VEZT: variants seen among roughly 807,000 people sequenced by gnomAD.
The protein encoded by VEZT is vezatin, adherens junctions transmembrane protein.
VEZT carries 39 observed loss-of-function variants against 79.9 expected under a neutral mutation model. The observed-to-expected ratio is 0.49, with a 90% CI of 0.38 to 0.64. The LOEUF (loss-of-function observed/expected upper bound fraction) is 0.64. Ranked by LOEUF, VEZT falls within the 30% of genes least tolerant of loss-of-function variation. The pLI is 0.00. For synonymous variants in VEZT, 325 were observed against 327.6 expected, an observed-to-expected ratio of 0.99 and a Z score of 0.09; for missense variants, 837 against 893.1, an observed-to-expected ratio of 0.94 and a Z score of 0.80.
At chr12:95,270,310 C>T in intron 6 of VEZT, 122 bp downstream of exon 6, 1 of 1,012,224 alleles carries the variant, frequency 9.9e-7, no homozygotes, top group Middle Eastern at 2.5e-4. Context: ...AAGCTAATTT[C>T]CATCATCAAT....
At chr12:95,287,633 A>G in intron 8 of VEZT, 31 bp from the exon 9 acceptor site, 1 of 1,460,606 alleles carries the variant, frequency 6.8e-7, no homozygotes. Context: ...CATATTATAG[A>G]AATCTGTTTC....
At chr12:95,268,672 T>C (rs1471085003) in intron 5 of VEZT, among the ~76,000 whole-genome samples, 1 of 152,196 alleles carries the variant, frequency 6.6e-6, no homozygotes, top group Non-Finnish European at 1.5e-5. Flanking sequence ...AGTGGGCCAG[T>C]TAGACATGAT....
intron 2 of VEZT, among the ~76,000 whole-genome samples, chr12:95,255,462 C>T (rs899717914): frequency 1.3e-4 from 20 of 152,200 alleles, no homozygotes; most frequent in Non-Finnish European, 1.2e-4. Context: ...GATGGAGTCT[C>T]GCGCTGTCGC....
chr12:95,247,921 A>G (rs1437555023), intron 1 of VEZT, among the ~76,000 whole-genome samples: 1 of 152,228 alleles, frequency 6.6e-6, no homozygotes, highest in Non-Finnish European at 1.5e-5. Flanking sequence ...ATGAAATATA[A>G]TAGTAGATAA....
In VEZT at chr12:95,271,282, T is replaced by TA. The variant is rs781275246; in HGVS notation, c.848+1097dup. On this transcript the variant is annotated intron_variant, in intron 6 of 11. Coordinates refer to ENST00000436874, the MANE Select transcript of VEZT (RefSeq NM_017599.4). Reference sequence around the variant, plus strand: ...CTTTTCCATTTTATTCCCCATTGCCTAAATGCCGGTCTGCTATATGTCAGC... The same window carrying TA: ...CTTTTCCATTTTATTCCCCATTGCCTAAAATGCCGGTCTGCTATATGTCAGC... 2.6e-4 allele frequency among the ~76,000 whole-genome samples: 39 copies of TA among 152,196 alleles called. 1 individual carries two copies. Among genetic ancestry groups the TA allele is most frequent in the Non-Finnish European group, 5.0e-4 (34 of 68,032 alleles).
At position 95,240,073 on chromosome 12, in the gene VEZT, G is replaced by GA. The variant is rs1555246828; in HGVS notation, c.37-11865dup. Among the ~76,000 whole-genome samples, 118 of 98,992 alleles carry GA rather than the reference G, an allele frequency of 1.2e-3. 2 individuals carry two copies. Among genetic ancestry groups the GA allele is most frequent in the Middle Eastern group, 4.5e-3 (1 of 220 alleles). 64.9% of individuals were successfully genotyped at this position (98,992 alleles called of 152,430 possible). On this transcript the variant is annotated intron_variant, in intron 1 of 11. Coordinates refer to ENST00000436874, the MANE Select transcript of VEZT (RefSeq NM_017599.4). ...GGAAGGAAGGAAGGAAGGAAGGAAG[G>GA]AAGAAAAGAAAGAGGAAAACAGAAA...
In VEZT at chr12:95,297,712, C is replaced by T. The variant is rs375374404; in HGVS notation, c.1831+1454C>T. Among the ~76,000 whole-genome samples, 51 of 152,306 alleles carry T rather than the reference C, an allele frequency of 3.3e-4. 1 individual carries two copies. The South Asian group carries it at 8.1e-3, about 24-fold the overall frequency. On this transcript the variant is annotated intron_variant, in intron 11 of 11. Coordinates refer to ENST00000436874, the MANE Select transcript of VEZT (RefSeq NM_017599.4). ...TCTTTTTCCTGTTTTCAAGTCTCTT[C>T]ATCATAAGAATTCATCTATCCAATT... is the stretch of plus-strand genomic sequence containing the variant.
intron 2 of VEZT, among the ~76,000 whole-genome samples, chr12:95,256,098 CTG>C (rs2063440370): frequency 6.6e-6 from 1 of 152,090 alleles, no homozygotes; most frequent in Non-Finnish European, 1.5e-5. Context: ...GTCACCCAGG[CTG>C]GAGTGCAATG....
intron 4 of VEZT, among the ~76,000 whole-genome samples, chr12:95,264,869 C>CTTTTTTTTTTTTTTTTTTTTT (rs71078693): frequency 4.4e-5 from 5 of 113,332 alleles, no homozygotes; most frequent in South Asian, 3.0e-4. Flanking sequence ...CTTTTCTTTT[C>CTTTTTTTTTTTTTTTTTTTTT]TTTTTTTTTT....
intron 5 of VEZT, among the ~76,000 whole-genome samples, chr12:95,267,157 G>C (rs1020713331): frequency 6.6e-6 from 1 of 152,170 alleles, no homozygotes. Context: ...ATATTCACCA[G>C]TCTAGCTGTA....
chr12:95,223,679 G>T (rs1373167621), intron 1 of VEZT, among the ~76,000 whole-genome samples: 2 of 152,174 alleles, frequency 1.3e-5, no homozygotes. Flanking sequence ...TTGAACTCCT[G>T]ACCTCGGGTG....
At chr12:95,256,144 C>A (rs549898430) in intron 2 of VEZT, among the ~76,000 whole-genome samples, 1 of 152,092 alleles carries the variant, frequency 6.6e-6, no homozygotes, top group African/African-American at 2.4e-5. Flanking sequence ...CTCTGCCTCC[C>A]GGGTTCAAGT....
At chr12:95,242,127 A>G (rs988081111) in intron 1 of VEZT, 1 of 152,202 alleles carries the variant, frequency 6.6e-6, no homozygotes, top group Admixed American at 6.5e-5. Context: ...TCTTATCTAT[A>G]TTAACATTTG....
At chr12:95,284,450 T>C (rs936886720) in intron 8 of VEZT, among the ~76,000 whole-genome samples, 1 of 152,162 alleles carries the variant, frequency 6.6e-6, no homozygotes, top group Non-Finnish European at 1.5e-5. Context: ...ACCTCCAGGG[T>C]GTGTATGGCC....
chr12:95,289,533 T>C (rs1452170919), intron 9 of VEZT, among the ~76,000 whole-genome samples: 1 of 152,184 alleles, frequency 6.6e-6, no homozygotes, highest in Non-Finnish European at 1.5e-5. Context: ...ACCATTACTG[T>C]GAAAACTTTC....
intron 7 of VEZT, among the ~76,000 whole-genome samples, 187 bp downstream of exon 7, chr12:95,275,076 G>T (rs1689541268): frequency 1.3e-5 from 2 of 152,304 alleles, no homozygotes; most frequent in East Asian, 3.9e-4. Context: ...ATTGGAAGAG[G>T]AGATCCTTAG....
intron 1 of VEZT, among the ~76,000 whole-genome samples, chr12:95,249,639 A>G (rs1308946047): frequency 6.6e-6 from 1 of 152,004 alleles, no homozygotes; most frequent in Non-Finnish European, 1.5e-5. Context: ...GCAGATTCCC[A>G]CTCTTCCTTA....
chr12:95,275,969 G>C (rs1429779433), intron 7 of VEZT: 4 of 151,982 alleles, frequency 2.6e-5, no homozygotes. Flanking sequence ...ATAATAAGCC[G>C]ACCATTTTGC....
chr12:95,265,257 T>C (rs557652561), intron 4 of VEZT, among the ~76,000 whole-genome samples: 58 of 152,194 alleles, frequency 3.8e-4, no homozygotes, highest in Non-Finnish European at 7.5e-4. Flanking sequence ...AATTTTAAAA[T>C]GTGTACATAT....
Sources: gnomAD v4.1 joint callset for allele counts (sites outside exome capture counted in the v4.1 genomes callset) on GRCh38, gnomAD v4.1.1 for gene constraint, MANE v1.5 for transcripts, NCBI Gene and HGNC (gene_info 2026-07-23, HGNC 2026-07-21) for gene names.